The following CACHD1 variants were observed in gnomAD, a reference collection of about 807,000 sequenced individuals.
The protein encoded by CACHD1 is VWFA and cache domain-containing protein 1.
A neutral mutation model predicts 138.7 loss-of-function variants in CACHD1; 71 were observed. The ratio of observed to expected loss-of-function variants is 0.51; its 90% CI spans 0.42 to 0.62. The LOEUF (loss-of-function observed/expected upper bound fraction) is 0.62, where lower values mean the gene tolerates loss of function less well. Ranked by LOEUF, CACHD1 falls within the 20% of genes least tolerant of loss-of-function variation. CACHD1 has a pLI of 0.00. For synonymous variants in CACHD1, 578 were observed against 591.5 expected (o/e 0.98, Z 0.33); for missense variants, 1,389 against 1,625.3 (o/e 0.85, Z 2.50).
intron 1 of CACHD1, among the ~76,000 whole-genome samples, chr1:64,539,137 TG>T (rs893460251): frequency 6.6e-6 from 1 of 152,138 alleles, no homozygotes; most frequent in Non-Finnish European, 1.5e-5. Context: ...CACAGACCCT[TG>T]GGATGCTAAT....
chr1:64,668,338 A>G (rs1373514491), intron 16 of CACHD1, among the ~76,000 whole-genome samples: 1 of 148,124 alleles, frequency 6.8e-6, no homozygotes, highest in Non-Finnish European at 1.5e-5. Context: ...AAAAAAAAAA[A>G]AAAGAAAAAG....
intron 1 of CACHD1, among the ~76,000 whole-genome samples, chr1:64,471,382 A>G (rs1646143255): frequency 6.6e-6 from 1 of 152,190 alleles, no homozygotes; most frequent in South Asian, 2.1e-4. Context: ...GATTTTCCGA[A>G]GTCCCCACCC....
intron 10 of CACHD1, among the ~76,000 whole-genome samples, chr1:64,653,463 T>C (rs7552864): frequency 0.19 from 29,164 of 151,492 alleles, 4,435 homozygotes; most frequent in East Asian, 0.63. Flanking sequence ...TTAGATTTAT[T>C]GGCATTAAGA....
At chr1:64,531,706 CT>C (rs138439918) in intron 1 of CACHD1, among the ~76,000 whole-genome samples, 6,376 of 152,288 alleles carry the variant, frequency 0.042, 193 homozygotes, top group Non-Finnish European at 0.054. Flanking sequence ...ACATTACCCC[CT>C]GGTGTCTCTT....
intron 13 of CACHD1, among the ~76,000 whole-genome samples, chr1:64,662,027 C>A (rs1189973553): frequency 6.6e-6 from 1 of 152,176 alleles, no homozygotes; most frequent in African/African-American, 2.4e-5. Flanking sequence ...GAGAAGAGAG[C>A]CAACACTCAA....
chr1:64,548,720 A>G (rs754529132), intron 1 of CACHD1, among the ~76,000 whole-genome samples: 2 of 152,254 alleles, frequency 1.3e-5, no homozygotes, highest in African/African-American at 2.4e-5. Context: ...GTGGTTTAAC[A>G]AGGACTATAC....
At chr1:64,690,811 C>T (rs1407898142) in intron 26 of CACHD1, among the ~76,000 whole-genome samples, 2 of 152,210 alleles carry the variant, frequency 1.3e-5, no homozygotes, top group Admixed American at 6.5e-5. Context: ...TCTATTGTGG[C>T]GTCACATTCA....
rs199573134 is a variant in CACHD1 at position 64,647,817 on chromosome 1, G to A, written c.1173G>A (p.Leu391=). ...YALMNDGVTG[L]KELAFLRDLA... Reference sequence around the variant, plus strand: ...CCATTTTAGATGGGGTGACTGGTTTGAAAGAGCTGGCTTTTCTGAGGGATC... The same window carrying A: ...CCATTTTAGATGGGGTGACTGGTTTAAAAGAGCTGGCTTTTCTGAGGGATC... Residue 391 remains leucine (L), a synonymous_variant, in exon 9 of 27, where the codon TTG becomes TTA. Transcript: ENST00000651257. 6.2e-7 allele frequency: 1 copy of A among 1,614,176 alleles called. No homozygotes were observed.
intron 1 of CACHD1, among the ~76,000 whole-genome samples, chr1:64,488,716 C>T (rs1018565767): frequency 6.6e-6 from 1 of 152,164 alleles, no homozygotes; most frequent in Admixed American, 6.5e-5. Context: ...CATTAGAATT[C>T]TATAAATGTC....
chr1:64,599,219 G>A lies in CACHD1; in HGVS notation c.411-3587G>A, dbSNP rs1038715210. ...CAGCTAGTTTATAGTCCAAATGGAC[G>A]AAGACAATTGATTAGTGTTTTGTTG... On this transcript the variant is annotated intron_variant, in intron 3 of 26. Transcript: ENST00000651257. Among the ~76,000 whole-genome samples, 2 of 152,006 alleles carry A rather than the reference G, an allele frequency of 1.3e-5. 1 individual carries two copies. Among genetic ancestry groups the A allele is most frequent in the South Asian group, 4.1e-4 (2 of 4,822 alleles).
At chr1:64,571,559 G>C (rs1006743971) in intron 2 of CACHD1, among the ~76,000 whole-genome samples, 1 of 152,164 alleles carries the variant, frequency 6.6e-6, no homozygotes, top group Admixed American at 6.5e-5. Context: ...GTAAGTACTT[G>C]GCCAGTGTGA....
At chr1:64,561,240 A>G (rs1485460519) in intron 2 of CACHD1, among the ~76,000 whole-genome samples, 1 of 151,480 alleles carries the variant, frequency 6.6e-6, no homozygotes, top group Non-Finnish European at 1.5e-5. Flanking sequence ...TATCAACTTC[A>G]CACAAAATCT....
chr1:64,550,575 C>A lies in CACHD1; in HGVS notation c.199-19C>A. 1.3e-6 allele frequency: 2 copies of A among 1,584,150 alleles called. No individual in the cohort carries two copies. Among genetic ancestry groups the A allele is most frequent in the South Asian group, 2.2e-5 (2 of 90,156 alleles). On this transcript the variant is annotated intron_variant, in intron 1 of 26. Coordinates refer to ENST00000651257, the MANE Select transcript of CACHD1 (RefSeq NM_020925.4). ...TGACTTATTTAGAAAATCTCATGTTCATTTTCTTTTCATTGCAGCGGATAT... is the reference window on the plus strand; with the variant it reads ...TGACTTATTTAGAAAATCTCATGTTAATTTTCTTTTCATTGCAGCGGATAT...
chr1:64,672,192 T>C (rs1649839370), intron 17 of CACHD1, among the ~76,000 whole-genome samples: 1 of 152,236 alleles, frequency 6.6e-6, no homozygotes, highest in South Asian at 2.1e-4. Flanking sequence ...TAATGCAGGC[T>C]GCTTTTAAAA....
chr1:64,474,071 G>A (rs983973568), intron 1 of CACHD1, among the ~76,000 whole-genome samples: 8 of 152,064 alleles, frequency 5.3e-5, no homozygotes, highest in Non-Finnish European at 8.8e-5. Flanking sequence ...TTTTAATAAT[G>A]GACAAAATAT....
At chr1:64,491,563 T>TC (rs1646275127) in intron 1 of CACHD1, among the ~76,000 whole-genome samples, 1 of 151,942 alleles carries the variant, frequency 6.6e-6, no homozygotes, top group African/African-American at 2.4e-5. Context: ...AGGGGGGAAA[T>TC]CCACCCCCAT....
chr1:64,539,460 C>G (rs1423096327), intron 1 of CACHD1, among the ~76,000 whole-genome samples: 1 of 152,150 alleles, frequency 6.6e-6, no homozygotes, highest in Non-Finnish European at 1.5e-5. Flanking sequence ...CAAAAGTGCC[C>G]CTTATGAAGC....
At chr1:64,587,584 T>C (rs1647060445) in intron 3 of CACHD1, among the ~76,000 whole-genome samples, 1 of 152,242 alleles carries the variant, frequency 6.6e-6, no homozygotes, top group Admixed American at 6.5e-5. Flanking sequence ...ACTCTGTCAA[T>C]GTTTGTTGTT....
intron 4 of CACHD1, among the ~76,000 whole-genome samples, chr1:64,622,208 A>G (rs889288085): frequency 1.5e-4 from 23 of 152,216 alleles, no homozygotes; most frequent in Admixed American, 9.2e-4. Context: ...GATCACAACT[A>G]TACCATTTCT....
Sources: allele counts gnomAD v4.1 joint callset (sites outside exome capture counted in the v4.1 genomes callset), GRCh38; gene constraint gnomAD v4.1.1; transcripts MANE v1.5; gene names NCBI Gene and HGNC (gene_info 2026-07-23, HGNC 2026-07-21).